Variants in ZPBP observed in about 807,000 individuals in gnomAD.
ZPBP encodes zona pellucida binding protein, also known as zona pellucida-binding protein 1.
ZPBP carries 26 observed loss-of-function variants against 44.8 expected under a neutral mutation model. The ratio of observed to expected loss-of-function variants is 0.58; its 90% confidence interval spans 0.43 to 0.81. The LOEUF is 0.81. Ranked by LOEUF, ZPBP falls within the 30% of genes least tolerant of loss-of-function variation. The pLI is 0.00. For missense variants in ZPBP, 409 were observed against 434.0 expected (o/e 0.94, Z 0.51); for synonymous variants, 174 against 153.2 (o/e 1.14, Z -1.00).
At chr7:49,912,215 T>C (rs781517273) in intron 1 of ZPBP, 4 of 1,612,010 alleles carry the variant, frequency 2.5e-6, no homozygotes, top group Non-Finnish European at 3.4e-6. Flanking sequence ...CTCTGACTTT[T>C]TCTAGAACAT....
chr7:49,913,471 A>G (rs899029728), intron 1 of ZPBP: 2 of 152,226 alleles, frequency 1.3e-5, no homozygotes, highest in African/African-American at 4.8e-5. Flanking sequence ...AAAAAAAGCA[A>G]AACTATAATC....
At chr7:50,071,393 A>G (rs927563966) in intron 3 of ZPBP, among the ~76,000 whole-genome samples, 2 of 152,216 alleles carry the variant, frequency 1.3e-5, no homozygotes, top group Admixed American at 6.5e-5. Context: ...CAAGGTCTAC[A>G]GCACTCTGTT....
intron 6 of ZPBP, among the ~76,000 whole-genome samples, chr7:50,003,651 G>A (rs958141334): frequency 4.6e-5 from 7 of 152,156 alleles, no homozygotes; most frequent in African/African-American, 1.4e-4. Context: ...GGCAGGTGAT[G>A]TGGTGTGCTG....
chr7:50,082,251 C>A (rs1325689948), intron 2 of ZPBP, among the ~76,000 whole-genome samples: 1 of 151,748 alleles, frequency 6.6e-6, no homozygotes, highest in Non-Finnish European at 1.5e-5. Context: ...TACACTTTAT[C>A]TGTTTTGTAA....
At chr7:50,091,880 G>A (rs981990989) in intron 1 of ZPBP, among the ~76,000 whole-genome samples, 5 of 152,158 alleles carry the variant, frequency 3.3e-5, no homozygotes, top group Non-Finnish European at 7.4e-5. Flanking sequence ...CAAAGCCAGA[G>A]GACTTGAGTT....
chr7:50,093,147 G>A lies in ZPBP; in HGVS notation c.48C>T (p.Thr16=), dbSNP rs767847407. ...GAGAGAGCAGGGAGCCGGCGGCCCGGGTCCGCCGCCTGCCCCGCCGCGCTG... is the reference window on the plus strand; with the variant it reads ...GAGAGAGCAGGGAGCCGGCGGCCCGAGTCCGCCGCCTGCCCCGCCGCGCTG... ...LGPARRGRRR[T]RAAGSLLSRA... is the part of the protein sequence containing the mutation. Residue 16 remains threonine (T), a synonymous_variant, in exon 1 of 8, where the codon ACC becomes ACT. Coordinates refer to ENST00000046087, the MANE Select transcript of ZPBP (RefSeq NM_007009.3). The A allele has an allele frequency of 1.3e-6, 2 of 1,545,176 alleles. No homozygotes were observed. The highest frequency in any genetic ancestry group is 2.4e-5 in the South Asian group (2 of 83,614).
chr7:49,999,919 C>T (rs1798021675), intron 6 of ZPBP, among the ~76,000 whole-genome samples: 1 of 152,082 alleles, frequency 6.6e-6, no homozygotes, highest in South Asian at 2.1e-4. Flanking sequence ...AATAATCGAT[C>T]TTTCTTCTCG....
intron 1 of ZPBP, among the ~76,000 whole-genome samples, chr7:49,905,136 T>G (rs1167213025): frequency 6.6e-6 from 1 of 152,212 alleles, no homozygotes; most frequent in Non-Finnish European, 1.5e-5. Context: ...GGGTCCACAT[T>G]TATACAGCTT....
chr7:50,071,782 T>C (rs1036739265), intron 3 of ZPBP, among the ~76,000 whole-genome samples: 2 of 152,094 alleles, frequency 1.3e-5, no homozygotes, highest in Non-Finnish European at 2.9e-5. Context: ...GAAGGGAACC[T>C]GCTGCCTTAA....
At chr7:49,875,954 T>A (rs1236503999) in intron 2 of ZPBP, among the ~76,000 whole-genome samples, 1 of 152,066 alleles carries the variant, frequency 6.6e-6, no homozygotes, top group Non-Finnish European at 1.5e-5. Context: ...GAAGAATGAG[T>A]CGAAGAAATT....
At chr7:49,878,121 T>G (rs1791519859) in intron 2 of ZPBP, among the ~76,000 whole-genome samples, 1 of 152,142 alleles carries the variant, frequency 6.6e-6, no homozygotes, top group Non-Finnish European at 1.5e-5. Flanking sequence ...TTAATGTTAA[T>G]TGGTGCTTCT....
chr7:49,960,839 A>C (rs1469310331), intron 7 of ZPBP, among the ~76,000 whole-genome samples: 2 of 152,156 alleles, frequency 1.3e-5, no homozygotes, highest in Non-Finnish European at 2.9e-5. Context: ...AAGACTGACA[A>C]CACCATGCTT....
chr7:49,889,338 TGAGGTC>T (rs1323956788), intron 2 of ZPBP, among the ~76,000 whole-genome samples: 3 of 152,372 alleles, frequency 2.0e-5, no homozygotes, highest in African/African-American at 7.2e-5. Context: ...ACCAGTGAAT[TGAGGTC>T]TAACTATAAA....
rs368139982 is a variant in ZPBP at position 50,054,047 on chromosome 7, C to T, written c.487+3942G>A. Among the ~76,000 whole-genome samples, 3 of 152,028 alleles carry T rather than the reference C, an allele frequency of 2.0e-5. No individual in the cohort carries two copies. The South Asian group carries it at 6.2e-4, about 32-fold the overall frequency. ...GGGATTACAGGCATGCACCACCACG[C>T]CTGGCTAATTTTTTTGTATTTTTAG... On this transcript the variant is annotated intron_variant, in intron 4 of 7. Coordinates refer to ENST00000046087, the MANE Select transcript of ZPBP (RefSeq NM_007009.3).
At chr7:49,997,477 T>C (rs1797898938) in intron 6 of ZPBP, among the ~76,000 whole-genome samples, 1 of 152,226 alleles carries the variant, frequency 6.6e-6, no homozygotes. Context: ...TTTTGAAGTA[T>C]GGCCACCTCC....
At chr7:50,068,541 T>C (rs1042470731) in intron 3 of ZPBP, among the ~76,000 whole-genome samples, 4 of 152,228 alleles carry the variant, frequency 2.6e-5, no homozygotes, top group Non-Finnish European at 4.4e-5. Flanking sequence ...CAAACTCCTG[T>C]CCAGACTAGC....
intron 7 of ZPBP, among the ~76,000 whole-genome samples, chr7:49,941,050 G>A (rs2128753161): frequency 6.6e-6 from 1 of 152,192 alleles, no homozygotes; most frequent in Middle Eastern, 3.4e-3. Flanking sequence ...AAGAAAAGAT[G>A]TTCCACATCA....
chr7:50,086,718 C>T (rs1332701720), intron 2 of ZPBP, among the ~76,000 whole-genome samples: 1 of 151,760 alleles, frequency 6.6e-6, no homozygotes, highest in African/African-American at 2.4e-5. Context: ...AACCATTAAG[C>T]ATATCAATGT....
At chr7:49,891,572 G>A (rs1315979294) in intron 2 of ZPBP, among the ~76,000 whole-genome samples, 3 of 152,044 alleles carry the variant, frequency 2.0e-5, no homozygotes, top group African/African-American at 4.8e-5. Flanking sequence ...GCCACCATTC[G>A]ATACTATTGC....
Sources: gnomAD v4.1 joint callset for allele counts (sites outside exome capture counted in the v4.1 genomes callset) on GRCh38, gnomAD v4.1.1 for gene constraint, MANE v1.5 for transcripts, NCBI Gene and HGNC (gene_info 2026-07-23, HGNC 2026-07-21) for gene names.